The following TRDN variants were observed in gnomAD, a reference collection of about 807,000 sequenced individuals.
TRDN encodes the protein triadin in skeletal muscle.
In TRDN, 161 loss-of-function variants were observed where a neutral mutation model predicts 149.7. The ratio of observed to expected loss-of-function variants is 1.08; its 90% CI spans 0.95 to 1.23. TRDN has a LOEUF of 1.23. TRDN is among the 50% of genes most tolerant of loss of function. The pLI is 0.00. For missense variants in TRDN, 896 were observed against 823.5 expected (o/e 1.09, Z -1.08); for synonymous variants, 294 against 250.5 (o/e 1.17, Z -1.64).
intron 1 of TRDN, among the ~76,000 whole-genome samples, chr6:123,617,560 C>T (rs1481726851): frequency 1.3e-5 from 2 of 152,050 alleles, no homozygotes; most frequent in Non-Finnish European, 2.9e-5. Context: ...CATTTCTTGG[C>T]TTGAAAGTCA....
At chr6:123,587,820 G>A (rs1783582968) in intron 1 of TRDN, among the ~76,000 whole-genome samples, 1 of 152,026 alleles carries the variant, frequency 6.6e-6, no homozygotes, top group African/African-American at 2.4e-5. Context: ...CAGTGGGGGA[G>A]CTTTTGAGCC....
chr6:123,466,647 C>A (rs998142949), intron 9 of TRDN, among the ~76,000 whole-genome samples: 4 of 151,816 alleles, frequency 2.6e-5, no homozygotes, highest in African/African-American at 9.7e-5. Context: ...TTGGAAAGAT[C>A]TATTCCCCAA....
intron 12 of TRDN, among the ~76,000 whole-genome samples, chr6:123,410,290 G>C (rs1335945322): frequency 6.6e-6 from 1 of 152,094 alleles, no homozygotes; most frequent in African/African-American, 2.4e-5. Flanking sequence ...AGATCAAATT[G>C]GTAAGACATT....
chr6:123,298,638 T>C (rs568455623), intron 24 of TRDN, among the ~76,000 whole-genome samples: 1 of 152,078 alleles, frequency 6.6e-6, no homozygotes, highest in Non-Finnish European at 1.5e-5. Context: ...TAAACCATAA[T>C]TGTCTTTAAT....
At chr6:123,466,229 G>A (rs1196840620) in intron 9 of TRDN, among the ~76,000 whole-genome samples, 3 of 151,924 alleles carry the variant, frequency 2.0e-5, no homozygotes, top group African/African-American at 7.3e-5. Flanking sequence ...TTTTTCATTA[G>A]CAAAGAAAAA....
intron 9 of TRDN, among the ~76,000 whole-genome samples, chr6:123,484,929 CTG>C (rs1405986307): frequency 1.3e-5 from 2 of 152,194 alleles, no homozygotes; most frequent in African/African-American, 4.8e-5. Context: ...ATGAAACTGA[CTG>C]AGAGAGTGGT....
intron 23 of TRDN, among the ~76,000 whole-genome samples, chr6:123,321,713 CTTG>C (rs1779250541): frequency 6.6e-6 from 1 of 151,966 alleles, no homozygotes; most frequent in Non-Finnish European, 1.5e-5. Context: ...CTCCAAATAG[CTTG>C]ACTTCAATGT....
At chr6:123,410,430 CA>C (rs938873148) in intron 12 of TRDN, among the ~76,000 whole-genome samples, 47 of 152,006 alleles carry the variant, frequency 3.1e-4, no homozygotes, top group African/African-American at 1.1e-3. Flanking sequence ...TACAGCAAAA[CA>C]AAAAGTGATC....
At chr6:123,552,374 C>G (rs1194436029) in intron 2 of TRDN, among the ~76,000 whole-genome samples, 4 of 152,236 alleles carry the variant, frequency 2.6e-5, no homozygotes, top group African/African-American at 9.6e-5. Context: ...GAAAAATAAT[C>G]ATTTTCTCTG....
At chr6:123,480,099 C>T (rs1005204192) in intron 9 of TRDN, among the ~76,000 whole-genome samples, 7 of 151,778 alleles carry the variant, frequency 4.6e-5, no homozygotes, top group African/African-American at 1.7e-4. Flanking sequence ...GTAGAAGTGG[C>T]TATAGAATAA....
rs148718776 is a variant in TRDN, at chr6:123,516,927, T to C, written c.485-721A>G. ...CTCTTTCAATCATGTCTTTTTGATA[T>C]TCCTCTTCCTCATTTTCTTTTATCC... On this transcript the variant is annotated intron_variant, in intron 5 of 40. Coordinates refer to ENST00000334268, the MANE Select transcript of TRDN (RefSeq NM_006073.4). Among the ~76,000 whole-genome samples the C allele has an allele frequency of 6.2e-3, 943 of 152,244 alleles. 9 individuals are homozygous for C. Among genetic ancestry groups the C allele is most frequent in the African/African-American group, 0.021 (885 of 41,570 alleles).
In TRDN at chr6:123,503,803, C is replaced by A. The variant is rs1388096043; in HGVS notation, c.709G>T (p.Val237Leu). The A allele has an allele frequency of 6.2e-7, 1 of 1,612,408 alleles. No individual in the cohort carries two copies. The highest frequency in any genetic ancestry group is 1.1e-5 in the South Asian group (1 of 90,938). The part of the protein sequence containing the change: ...QEKVKQTAAK[V>L]KEVQKTPSKP... ...GATGGTGTTTTCTGTACTTCTTTTA[C>A]TTTTGCAGCTGTTTGCTTCACTTTC... The change falls in exon 8 of 41, where the codon GTA (valine) becomes TTA (leucine). Residue 237 changes from valine to leucine, a missense_variant. Transcript: ENST00000334268.
At chr6:123,526,872 G>A (rs1779977017) in intron 5 of TRDN, among the ~76,000 whole-genome samples, 1 of 151,496 alleles carries the variant, frequency 6.6e-6, no homozygotes, top group Non-Finnish European at 1.5e-5. Context: ...AAACTGTAAG[G>A]GACTCTCATC....
At chr6:123,350,352 T>C in intron 21 of TRDN, 2 of 945,342 alleles carry the variant, frequency 2.1e-6, no homozygotes, top group Non-Finnish European at 2.5e-6. Flanking sequence ...GATCACAAAG[T>C]GTACTTAAAC....
intron 1 of TRDN, among the ~76,000 whole-genome samples, chr6:123,577,112 CA>C (rs1782894912): frequency 6.6e-6 from 1 of 152,014 alleles, no homozygotes; most frequent in Non-Finnish European, 1.5e-5. Context: ...GCTGCTTTGA[CA>C]AAATACTATA....
chr6:123,292,818 A>G (rs1425581594), intron 24 of TRDN, among the ~76,000 whole-genome samples: 3 of 152,152 alleles, frequency 2.0e-5, no homozygotes, highest in Non-Finnish European at 4.4e-5. Flanking sequence ...AAGAATCAAC[A>G]TCTCAGCCAG....
chr6:123,535,419 C>T (rs1415230581), intron 4 of TRDN, among the ~76,000 whole-genome samples: 2 of 152,084 alleles, frequency 1.3e-5, no homozygotes, highest in Non-Finnish European at 2.9e-5. Flanking sequence ...TTTCTGGTGG[C>T]TGGTAGGGAG....
rs1781561998 is a variant in TRDN, at chr6:123,377,696, G to T, written c.1246+20C>A. The T allele has an allele frequency of 6.2e-7, 1 of 1,612,924 alleles. No individual in the cohort carries two copies. Among genetic ancestry groups the T allele is most frequent in the Non-Finnish European group, 8.5e-7 (1 of 1,179,470 alleles). Reference sequence around the variant, plus strand: ...ACTGGACATGAGTATTCGGAATCCAGCAACAGTGGTCTTACTCACCTGAGT... The same window carrying T: ...ACTGGACATGAGTATTCGGAATCCATCAACAGTGGTCTTACTCACCTGAGT... On this transcript the variant is annotated intron_variant, in intron 18 of 40. Coordinates refer to ENST00000334268, the MANE Select transcript of TRDN (RefSeq NM_006073.4).
intron 5 of TRDN, among the ~76,000 whole-genome samples, chr6:123,523,261 G>A (rs1779777572): frequency 6.6e-6 from 1 of 152,076 alleles, no homozygotes; most frequent in South Asian, 2.1e-4. Context: ...AAAGTGCACA[G>A]TTATGAGACA....
Sources: allele counts gnomAD v4.1 joint callset (sites outside exome capture counted in the v4.1 genomes callset), GRCh38; gene constraint gnomAD v4.1.1; transcripts MANE v1.5; gene names NCBI Gene and HGNC (gene_info 2026-07-23, HGNC 2026-07-21).